Variants in SV2C observed in about 807,000 individuals in gnomAD.
The protein encoded by SV2C is solute carrier family 22 member B3.
A neutral mutation model predicts 79.7 loss-of-function variants in SV2C; 49 were observed. The observed-to-expected ratio is 0.61, with a 90% CI of 0.49 to 0.78. The LOEUF (loss-of-function observed/expected upper bound fraction) is 0.78, where lower values mean the gene tolerates loss of function less well. SV2C is among the 30% of genes least tolerant of loss of function. The pLI, the probability that SV2C is intolerant of heterozygous loss-of-function variation, is 0.00. For synonymous variants in SV2C, 334 were observed against 333.2 expected, an observed-to-expected ratio of 1.00 and a Z score of -0.03; for missense variants, 833 against 912.9, an observed-to-expected ratio of 0.91 and a Z score of 1.13.
the SV2C span, among the ~76,000 whole-genome samples, chr5:76,023,983 A>G: frequency 1.2e-4 from 18 of 151,960 alleles, no homozygotes; most frequent in African/African-American, 4.3e-4. Context: ...GTCTTCAAAT[A>G]TTTCCAAATA....
chr5:75,853,349 G>A, the SV2C span, among the ~76,000 whole-genome samples: 1 of 151,906 alleles, frequency 6.6e-6, no homozygotes, highest in Non-Finnish European at 1.5e-5. Flanking sequence ...AATATCAGGA[G>A]ATCGAGACCA....
the SV2C span, among the ~76,000 whole-genome samples, chr5:76,032,387 T>A: frequency 6.6e-6 from 1 of 152,156 alleles, no homozygotes; most frequent in Non-Finnish European, 1.5e-5. Flanking sequence ...CCCAATGCTA[T>A]CCCGCCCCTC....
chr5:75,967,372 G>A, the SV2C span, among the ~76,000 whole-genome samples: 1 of 152,180 alleles, frequency 6.6e-6, no homozygotes, highest in Non-Finnish European at 1.5e-5. Context: ...GCAGGGCAAG[G>A]CATCACCTCA....
chr5:75,926,972 C>A, the SV2C span, among the ~76,000 whole-genome samples: 1 of 152,256 alleles, frequency 6.6e-6, no homozygotes, highest in African/African-American at 2.4e-5. Context: ...GGCTCTTGAG[C>A]CTCTTTACTA....
At chr5:76,008,699 C>T in the SV2C span, among the ~76,000 whole-genome samples, 2 of 152,158 alleles carry the variant, frequency 1.3e-5, no homozygotes, top group Non-Finnish European at 2.9e-5. Context: ...TGTTTCCACC[C>T]TTGTCCCGAG....
the SV2C span, among the ~76,000 whole-genome samples, chr5:76,020,680 G>A: frequency 1.3e-5 from 2 of 152,152 alleles, no homozygotes. Context: ...CTTCTTCTAG[G>A]AACAGGCTAG....
At chr5:76,236,722 T>C (rs1587619) in intron 4 of SV2C, among the ~76,000 whole-genome samples, 17,899 of 152,114 alleles carry the variant, frequency 0.12, 3,068 homozygotes, top group African/African-American at 0.38. Flanking sequence ...TAGATCTACC[T>C]CCATGACCCA....
chr5:76,186,598 A>G (rs1743925077), intron 2 of SV2C, among the ~76,000 whole-genome samples: 2 of 152,206 alleles, frequency 1.3e-5, no homozygotes, highest in Admixed American at 1.3e-4. Context: ...AGGCTGAGGC[A>G]AGAGAATTGC....
chr5:76,139,198 G>A (rs1256611228), intron 2 of SV2C, among the ~76,000 whole-genome samples: 1 of 152,090 alleles, frequency 6.6e-6, no homozygotes, highest in Non-Finnish European at 1.5e-5. Flanking sequence ...AGATGCAGAT[G>A]TTGGCAGTGC....
intron 1 of SV2C, among the ~76,000 whole-genome samples, chr5:76,119,952 A>G (rs1242088025): frequency 1.3e-5 from 2 of 152,200 alleles, no homozygotes; most frequent in African/African-American, 4.8e-5. Flanking sequence ...CTTAAACACA[A>G]GAATCTACAA....
intron 4 of SV2C, among the ~76,000 whole-genome samples, chr5:76,222,118 A>C (rs934826906): frequency 6.6e-6 from 1 of 152,238 alleles, no homozygotes; most frequent in East Asian, 1.9e-4. Context: ...GTGGTTTGAC[A>C]GTTTCTTTAA....
At chr5:76,049,192 C>T in the SV2C span, among the ~76,000 whole-genome samples, 1 of 151,750 alleles carries the variant, frequency 6.6e-6, no homozygotes, top group East Asian at 1.9e-4. Context: ...AAAAAATTAG[C>T]TAGGCGTGGT....
At chr5:75,961,926 T>C in the SV2C span, among the ~76,000 whole-genome samples, 1 of 152,016 alleles carries the variant, frequency 6.6e-6, no homozygotes, top group Admixed American at 6.6e-5. Context: ...TGCAAAAATA[T>C]ATAGTGTTCA....
chr5:76,333,497 G>C lies in SV2C; in HGVS notation c.*7950G>C, dbSNP rs1159127621. ...CTTGGCAATGGTCCTGTCGGTTTTG[G>C]TGTTTGGATTGTTTGGCTTTGTTTT... On this transcript the variant is annotated 3_prime_UTR_variant, in exon 13 of 13. Coordinates refer to ENST00000502798, the MANE Select transcript of SV2C (RefSeq NM_014979.4). 6.6e-6 allele frequency: 1 copy of C among 152,184 alleles called. No homozygotes were observed. Among genetic ancestry groups the C allele is most frequent in the African/African-American group, 2.4e-5 (1 of 41,436 alleles). 9.4% of individuals were successfully genotyped at this position (152,184 alleles called of 1,614,324 possible). A position where few individuals can be genotyped will look rare whatever the true frequency, so the allele number is the denominator to read the frequency against.
intron 4 of SV2C, among the ~76,000 whole-genome samples, chr5:76,270,700 T>C (rs1267856546): frequency 1.3e-5 from 2 of 152,220 alleles, no homozygotes; most frequent in East Asian, 3.8e-4. Context: ...GCGAAGCCTT[T>C]TATGGCTTTG....
At chr5:76,295,709 A>G in intron 8 of SV2C, 69 bp from the exon 9 acceptor site, 1 of 1,503,200 alleles carries the variant, frequency 6.7e-7, no homozygotes, top group Non-Finnish European at 9.0e-7. Context: ...GTCTGAAAAC[A>G]TCAGGGAGTT....
At chr5:76,115,650 G>T (rs1287515017) in intron 1 of SV2C, among the ~76,000 whole-genome samples, 2 of 152,190 alleles carry the variant, frequency 1.3e-5, no homozygotes, top group Non-Finnish European at 2.9e-5. Context: ...AAAGAGCAGG[G>T]ATAATGAGAT....
At chr5:76,300,154 A>ATT (rs1420979301) in intron 10 of SV2C, among the ~76,000 whole-genome samples, 1 of 115,486 alleles carries the variant, frequency 8.7e-6, no homozygotes, top group Non-Finnish European at 1.8e-5. Context: ...CCTCAAATAA[A>ATT]AAATTATTAT....
At chr5:76,244,273 T>C (rs1399813468) in intron 4 of SV2C, among the ~76,000 whole-genome samples, 1 of 152,194 alleles carries the variant, frequency 6.6e-6, no homozygotes, top group Admixed American at 6.5e-5. Context: ...TGGCCACATG[T>C]AGGATATCTT....
Sources: allele counts gnomAD v4.1 joint callset (sites outside exome capture counted in the v4.1 genomes callset), GRCh38; gene constraint gnomAD v4.1.1; transcripts MANE v1.5; gene names NCBI Gene and HGNC (gene_info 2026-07-23, HGNC 2026-07-21).